The following KPNA1 variants were observed in gnomAD, a reference collection of about 807,000 sequenced individuals.
KPNA1 encodes the protein importin subunit alpha-5.
A neutral mutation model predicts 70.5 loss-of-function variants in KPNA1; 10 were observed. The ratio of observed to expected loss-of-function variants is 0.14; its 90% CI spans 0.09 to 0.24. The LOEUF (loss-of-function observed/expected upper bound fraction) is 0.24. KPNA1 is among the 10% of genes least tolerant of loss of function. The pLI, the probability that KPNA1 is intolerant of heterozygous loss-of-function variation, is 1.00. For missense variants in KPNA1, 397 were observed against 637.9 expected (o/e 0.62, Z 4.07); for synonymous variants, 192 against 221.9 (o/e 0.87, Z 1.20).
rs1040459943 is a variant in KPNA1 at position 122,470,865 on chromosome 3, T to C, written c.130-3436A>G. Among the ~76,000 whole-genome samples, 49 of 151,318 alleles carry C rather than the reference T, an allele frequency of 3.2e-4. No individual in the cohort carries two copies. In the East Asian group the frequency reaches 7.6e-3, roughly 23 times the overall value. ...GAAACAAAAAAAAAAGGCTAACAAA[T>C]AGAAATCAGTAACAAATATGGTAAA... On this transcript the variant is annotated intron_variant, in intron 2 of 13. Transcript: ENST00000344337.
At chr3:122,461,387 ACTT>A (rs1336223615) in intron 4 of KPNA1, 69 bp from the exon 5 acceptor site, 2 of 928,118 alleles carry the variant, frequency 2.2e-6, no homozygotes, top group Non-Finnish European at 3.4e-6. Flanking sequence ...ACAGCTCAAA[ACTT>A]CTTAACATCC....
At chr3:122,463,866 T>G in intron 4 of KPNA1, 76 bp downstream of exon 4, 1 of 636,062 alleles carries the variant, frequency 1.6e-6, no homozygotes. Flanking sequence ...AAATTACCTG[T>G]GGTATGAAAA....
At chr3:122,454,174 C>G (rs1002861821) in intron 5 of KPNA1, among the ~76,000 whole-genome samples, 173 bp from the exon 6 acceptor site, 10 of 152,108 alleles carry the variant, frequency 6.6e-5, no homozygotes, top group Non-Finnish European at 1.3e-4. Context: ...AGAAATACCT[C>G]AACCTAGAAG....
At chr3:122,460,993 C>G (rs1243732812) in intron 5 of KPNA1, among the ~76,000 whole-genome samples, 1 of 152,030 alleles carries the variant, frequency 6.6e-6, no homozygotes, top group East Asian at 1.9e-4. Context: ...AAGTATTATC[C>G]ACAATCATAA....
At chr3:122,499,909 T>C (rs1205763083) in intron 1 of KPNA1, among the ~76,000 whole-genome samples, 2 of 152,228 alleles carry the variant, frequency 1.3e-5, no homozygotes, top group East Asian at 3.8e-4. Flanking sequence ...CTTTAAATGT[T>C]TGGTAAAATT....
intron 6 of KPNA1, 47 bp from the exon 7 acceptor site, chr3:122,452,111 T>C: frequency 8.0e-7 from 1 of 1,247,722 alleles, no homozygotes; most frequent in Non-Finnish European, 1.2e-6. Context: ...TTTAATTCCC[T>C]CATAATTCTT....
chr3:122,496,319 AACACACACACAC>A (rs9289194), intron 2 of KPNA1, 106 bp downstream of exon 2: 5 of 440,384 alleles, frequency 1.1e-5, no homozygotes, highest in African/African-American at 4.2e-5. Context: ...AGAAGGGGAA[AACACACACACAC>A]ACACACACAC....
chr3:122,475,456 C>G (rs2076486656), intron 2 of KPNA1, among the ~76,000 whole-genome samples: 1 of 152,172 alleles, frequency 6.6e-6, no homozygotes, highest in South Asian at 2.1e-4. Context: ...AATGTAACTT[C>G]CATCAAAATT....
At chr3:122,445,840 T>C (rs1344189461) in intron 9 of KPNA1, among the ~76,000 whole-genome samples, 1 of 151,410 alleles carries the variant, frequency 6.6e-6, no homozygotes, top group South Asian at 2.1e-4. Context: ...ACAAAGCACA[T>C]GGAAAGCAAA....
intron 2 of KPNA1, among the ~76,000 whole-genome samples, chr3:122,489,789 G>A (rs1301226014): frequency 6.6e-6 from 1 of 152,132 alleles, no homozygotes; most frequent in Non-Finnish European, 1.5e-5. Flanking sequence ...CTCGTGTACT[G>A]GATATTTTCG....
chr3:122,457,170 T>C (rs1197485233), intron 5 of KPNA1, among the ~76,000 whole-genome samples: 1 of 152,254 alleles, frequency 6.6e-6, no homozygotes, highest in East Asian at 1.9e-4. Context: ...CCTTTCATCA[T>C]AGTCTGTACT....
chr3:122,438,553 A>C (rs2076020593), intron 10 of KPNA1, among the ~76,000 whole-genome samples: 2 of 151,444 alleles, frequency 1.3e-5, no homozygotes, highest in African/African-American at 4.9e-5. Flanking sequence ...CGCCCGGCTA[A>C]TTTTGTATTT....
intron 12 of KPNA1, among the ~76,000 whole-genome samples, chr3:122,431,030 T>A (rs1217460186): frequency 6.6e-6 from 1 of 152,236 alleles, no homozygotes; most frequent in East Asian, 1.9e-4. Context: ...ATACAAATAG[T>A]AAGTTTCACT....
At chr3:122,496,620 G>C in intron 1 of KPNA1, 50 bp from the exon 2 acceptor site, 2 of 1,537,538 alleles carry the variant, frequency 1.3e-6, no homozygotes, top group Non-Finnish European at 1.8e-6. Context: ...GAAGAGCTCT[G>C]TTATTCTAAG....
chr3:122,514,621 T>C (rs117240474), intron 1 of KPNA1, 136 bp downstream of exon 1: 18,389 of 151,048 alleles, frequency 0.12, 1,303 homozygotes, highest in East Asian at 0.32. Context: ...GGCGCGAGCG[T>C]CCGGCCCAGG....
chr3:122,470,427 G>C (rs1164770568), intron 2 of KPNA1, among the ~76,000 whole-genome samples: 2 of 151,650 alleles, frequency 1.3e-5, no homozygotes, highest in African/African-American at 4.9e-5. Context: ...CAGGAGAATG[G>C]CGTGAACCCG....
chr3:122,488,269 C>T (rs1228702585), intron 2 of KPNA1, among the ~76,000 whole-genome samples: 3 of 152,154 alleles, frequency 2.0e-5, no homozygotes, highest in Non-Finnish European at 4.4e-5. Context: ...TCCTGTAATG[C>T]CAGCACTTTG....
intron 3 of KPNA1, among the ~76,000 whole-genome samples, chr3:122,464,899 G>C (rs1008118770): frequency 2.6e-5 from 4 of 151,996 alleles, no homozygotes; most frequent in African/African-American, 9.7e-5. Flanking sequence ...TCCTCATAGG[G>C]GAATATATGA....
chr3:122,457,004 G>A (rs1484633036), intron 5 of KPNA1, among the ~76,000 whole-genome samples: 1 of 152,212 alleles, frequency 6.6e-6, no homozygotes, highest in Non-Finnish European at 1.5e-5. Context: ...TGTGTGATAT[G>A]TATGTATGTT....
Sources: gnomAD v4.1 joint callset for allele counts (sites outside exome capture counted in the v4.1 genomes callset) on GRCh38, gnomAD v4.1.1 for gene constraint, MANE v1.5 for transcripts, NCBI Gene and HGNC (gene_info 2026-07-23, HGNC 2026-07-21) for gene names.